Variants in CA10 observed in about 807,000 individuals in gnomAD.
CA10 encodes the protein carbonic anhydrase-related protein 10.
A neutral mutation model predicts 44.2 loss-of-function variants in CA10; 14 were observed. The ratio of observed to expected loss-of-function variants is 0.32; its 90% CI spans 0.21 to 0.50. The LOEUF (loss-of-function observed/expected upper bound fraction) is 0.50, where lower values mean the gene tolerates loss of function less well. CA10 is among the 20% of genes least tolerant of loss of function. CA10 has a pLI of 0.99. For missense variants in CA10, 350 were observed against 409.7 expected (o/e 0.85, Z 1.26); for synonymous variants, 159 against 141.6 (o/e 1.12, Z -0.87).
At chr17:51,670,469 T>A (rs952948644) in intron 4 of CA10, among the ~76,000 whole-genome samples, 1 of 152,088 alleles carries the variant, frequency 6.6e-6, no homozygotes, top group South Asian at 2.1e-4. Context: ...GCTTCCCTGA[T>A]TGATTGGGTC....
intron 4 of CA10, among the ~76,000 whole-genome samples, chr17:51,718,913 T>G (rs1916266336): frequency 6.6e-6 from 1 of 152,190 alleles, no homozygotes; most frequent in Non-Finnish European, 1.5e-5. Flanking sequence ...TTTTCTTTTC[T>G]CCATATCTCA....
chr17:52,121,883 C>T (rs1345307573), intron 1 of CA10, among the ~76,000 whole-genome samples: 3 of 152,214 alleles, frequency 2.0e-5, no homozygotes, highest in African/African-American at 7.2e-5. Flanking sequence ...AGAAGCTGAT[C>T]ATTAGGAGCC....
chr17:52,115,539 T>G (rs1988874891), intron 1 of CA10, among the ~76,000 whole-genome samples: 1 of 152,268 alleles, frequency 6.6e-6, no homozygotes, highest in Non-Finnish European at 1.5e-5. Flanking sequence ...TATGGCAATT[T>G]CCTTCTTTTT....
intron 3 of CA10, among the ~76,000 whole-genome samples, chr17:51,893,575 A>G (rs1204642134): frequency 6.6e-6 from 1 of 152,230 alleles, no homozygotes; most frequent in Non-Finnish European, 1.5e-5. Flanking sequence ...TCTGACCTTC[A>G]GACTTCTCTA....
chr17:51,675,841 G>A (rs1053963441), intron 4 of CA10, among the ~76,000 whole-genome samples: 5 of 152,254 alleles, frequency 3.3e-5, no homozygotes, highest in East Asian at 1.9e-4. Flanking sequence ...AACAAGGACC[G>A]CAATTACTTT....
chr17:52,019,911 CAT>C lies in CA10; in HGVS notation c.136+52406_136+52407del, dbSNP rs749006957. On this transcript the variant is annotated intron_variant, in intron 2 of 8. Transcript: ENST00000451037. ...ATATCACTGTGAAGAGATATATATA[CAT>C]ATATATATGTATATGTATATATACA... Among the ~76,000 whole-genome samples the C allele has an allele frequency of 3.6e-4, 54 of 151,318 alleles. 1 individual carries two copies. Among genetic ancestry groups the C allele is most frequent in the African/African-American group, 1.3e-3 (52 of 41,204 alleles).
chr17:51,849,227 G>GTATATATATATATATACATATA (rs1978665195), intron 3 of CA10, among the ~76,000 whole-genome samples: 1 of 25,408 alleles, frequency 3.9e-5, no homozygotes, highest in Non-Finnish European at 7.6e-5. Flanking sequence ...ATACATATAT[G>GTATATATATATATATACATATA]TGTGTGTATA....
At chr17:51,877,066 T>C (rs945883766) in intron 3 of CA10, among the ~76,000 whole-genome samples, 1 of 152,206 alleles carries the variant, frequency 6.6e-6, no homozygotes. Context: ...TGTGACTATA[T>C]GAATTGGCTT....
intron 4 of CA10, among the ~76,000 whole-genome samples, chr17:51,705,546 C>T (rs777084419): frequency 7.9e-5 from 12 of 152,054 alleles, no homozygotes; most frequent in Non-Finnish European, 1.3e-4. Flanking sequence ...TGGTGAGTGC[C>T]CTAGGCTGAC....
intron 2 of CA10, among the ~76,000 whole-genome samples, chr17:52,069,093 T>C (rs554031629): frequency 6.6e-6 from 1 of 152,314 alleles, no homozygotes; most frequent in Non-Finnish European, 1.5e-5. Flanking sequence ...CTTCAACTCA[T>C]TGGATAAGGC....
intron 4 of CA10, among the ~76,000 whole-genome samples, chr17:51,686,606 G>T (rs370070095): frequency 6.6e-6 from 1 of 152,102 alleles, no homozygotes; most frequent in Non-Finnish European, 1.5e-5. Flanking sequence ...ATCTCTAGGA[G>T]TGGGCCCAGG....
intron 3 of CA10, among the ~76,000 whole-genome samples, chr17:51,881,967 T>C (rs1980395582): frequency 6.6e-6 from 1 of 152,088 alleles, no homozygotes; most frequent in Admixed American, 6.5e-5. Flanking sequence ...GCGCAAAATG[T>C]TAGAAGCTAT....
chr17:52,153,425 A>G (rs534763845), intron 1 of CA10, among the ~76,000 whole-genome samples: 3 of 152,252 alleles, frequency 2.0e-5, no homozygotes, highest in Non-Finnish European at 4.4e-5. Context: ...CTGCATTGTA[A>G]TATACAACTG....
intron 1 of CA10, among the ~76,000 whole-genome samples, chr17:52,113,592 C>T (rs2143291976): frequency 6.6e-6 from 1 of 152,238 alleles, no homozygotes; most frequent in South Asian, 2.1e-4. Context: ...AAAGATACTG[C>T]TATGCAATAA....
chr17:51,707,359 G>T (rs1915792481), intron 4 of CA10, among the ~76,000 whole-genome samples: 1 of 152,172 alleles, frequency 6.6e-6, no homozygotes, highest in South Asian at 2.1e-4. Flanking sequence ...CCCAGCCTAA[G>T]CTTTAGGCAC....
At chr17:51,804,735 A>G (rs1382663997) in intron 3 of CA10, among the ~76,000 whole-genome samples, 1 of 152,200 alleles carries the variant, frequency 6.6e-6, no homozygotes. Context: ...AAAACTTTCT[A>G]GCTCATTTTT....
chr17:51,746,034 T>G (rs2143601455), intron 4 of CA10, among the ~76,000 whole-genome samples: 1 of 152,346 alleles, frequency 6.6e-6, no homozygotes, highest in South Asian at 2.1e-4. Context: ...AATCTGCAAC[T>G]TGGGAGCCTG....
rs1915086775 is a variant in CA10 at position 51,688,635 on chromosome 17, A to C, written c.466-34899T>G. ...GTTTTATATTATTATGGACTATTTCATGCCTAAATGATTTGCAGTACCATC... is the reference window on the plus strand; with the variant it reads ...GTTTTATATTATTATGGACTATTTCCTGCCTAAATGATTTGCAGTACCATC... On this transcript the variant is annotated intron_variant, in intron 4 of 8. Transcript: ENST00000451037. Among the ~76,000 whole-genome samples, 4 of 152,178 alleles carry C rather than the reference A, an allele frequency of 2.6e-5. No homozygotes were observed. The South Asian group carries it at 8.3e-4, about 31-fold the overall frequency.
chr17:51,844,026 T>C (rs1048750303), intron 3 of CA10, among the ~76,000 whole-genome samples: 1 of 152,170 alleles, frequency 6.6e-6, no homozygotes, highest in African/African-American at 2.4e-5. Flanking sequence ...TGTAAATTGA[T>C]TATAAGGTAA....
Sources: allele counts gnomAD v4.1 joint callset (sites outside exome capture counted in the v4.1 genomes callset), GRCh38; gene constraint gnomAD v4.1.1; transcripts MANE v1.5; gene names NCBI Gene and HGNC (gene_info 2026-07-23, HGNC 2026-07-21).